Variants in SDHA observed in about 807,000 individuals in gnomAD.
SDHA encodes the protein succinate dehydrogenase [ubiquinone] flavoprotein subunit, mitochondrial.
In SDHA, 48 loss-of-function variants were observed where a neutral mutation model predicts 78.4. The observed-to-expected ratio is 0.61, with a 90% CI of 0.49 to 0.78. The LOEUF (loss-of-function observed/expected upper bound fraction) is 0.78. SDHA is among the 30% of genes least tolerant of loss of function. SDHA has a pLI of 0.00. For missense variants in SDHA, 680 were observed against 892.7 expected (o/e 0.76, Z 3.04); for synonymous variants, 326 against 353.9 (o/e 0.92, Z 0.88).
intron 11 of SDHA, among the ~76,000 whole-genome samples, chr5:242,124 T>C (rs560185709): frequency 1.3e-5 from 2 of 152,042 alleles, no homozygotes; most frequent in African/African-American, 2.4e-5. Context: ...ATGCGTTCCG[T>C]TGGGGAAGGG....
chr5:262,265 A>T, the SDHA span, among the ~76,000 whole-genome samples: 1 of 124,772 alleles, frequency 8.0e-6, no homozygotes, highest in Admixed American at 7.7e-5. Flanking sequence ...TCACAGCATT[A>T]CCGTGTGAGC....
chr5:244,676 A>C (rs1163286411), intron 11 of SDHA, among the ~76,000 whole-genome samples: 1 of 152,178 alleles, frequency 6.6e-6, no homozygotes, highest in Admixed American at 6.5e-5. Context: ...GGCCAATTCA[A>C]CCTGCTCAAT....
rs2288461 is a variant in SDHA at position 230,865 on chromosome 5, A to G, written c.771-11A>G. 1,428,152 of 1,613,942 alleles carry G rather than the reference A, an allele frequency of 0.88. 633,686 individuals carry two copies. The highest frequency in any genetic ancestry group is 0.97 in the African/African-American group (72,856 of 75,022). On this transcript the variant is annotated splice_polypyrimidine_tract_variant and intron_variant, in intron 6 of 14. Transcript: ENST00000264932. The stretch of plus-strand genomic sequence containing the variant: ...CCGCTGTGTGCAGTCACTGCTCTCT[A>G]TTGTTTCCAGAGGCTACGGGCGCAC...
At position 236,519 on chromosome 5, in the gene SDHA, G is replaced by A. The variant is rs370690436; in HGVS notation, c.1352G>A (p.Arg451His). The change falls in exon 10 of 15, where the codon CGC becomes CAC. Residue 451 changes from arginine to histidine, a missense_variant. Coordinates refer to ENST00000264932, the MANE Select transcript of SDHA (RefSeq NM_004168.4). ...AACASVHGANRLGANSLLDLV... is the reference protein window; with the variant it reads ...AACASVHGANHLGANSLLDLV... The stretch of plus-strand genomic sequence containing the variant: ...TGTGCCTCGGTACATGGTGCCAACC[G>A]CCTCGGGGCAAACTCGCTCTTGGAC... The A allele has an allele frequency of 5.0e-6, 8 of 1,613,928 alleles. No individual in the cohort carries two copies. Among genetic ancestry groups the A allele is most frequent in the South Asian group, 2.2e-5 (2 of 91,086 alleles).
chr5:268,220 G>A, the SDHA span, among the ~76,000 whole-genome samples: 1 of 149,050 alleles, frequency 6.7e-6, no homozygotes, highest in Non-Finnish European at 1.5e-5. Flanking sequence ...GTCTCACTCT[G>A]TTGCCCAGGC....
At position 234,987 on chromosome 5, in the gene SDHA, G is replaced by A. The variant is rs1735672875; in HGVS notation, c.1065-157G>A. The A allele has an allele frequency of 4.0e-6, 3 of 753,868 alleles. No homozygotes were observed. In the South Asian group the frequency reaches 4.7e-5, roughly 12 times the overall value. The allele number at this position is 753,868 out of a possible 1,614,324, so 46.7% of individuals were successfully genotyped here. Reference sequence around the variant, plus strand: ...GGATTGTCCCTGGCACACAGTAGCTGCTTAGAAAAGATTTGATGAGAGGGT... The same window carrying A: ...GGATTGTCCCTGGCACACAGTAGCTACTTAGAAAAGATTTGATGAGAGGGT... On this transcript the variant is annotated intron_variant, in intron 8 of 14. Coordinates refer to ENST00000264932, the MANE Select transcript of SDHA (RefSeq NM_004168.4).
intron 4 of SDHA, 46 bp from the exon 5 acceptor site, chr5:225,837 A>C (rs1355861354): frequency 1.9e-6 from 3 of 1,607,158 alleles, no homozygotes; most frequent in Non-Finnish European, 2.6e-6. Flanking sequence ...GAATATCTTG[A>C]CTCCTTTAAG....
chr5:233,688 G>A, intron 8 of SDHA, 43 bp downstream of exon 8: 4 of 1,606,528 alleles, frequency 2.5e-6, no homozygotes, highest in Non-Finnish European at 3.4e-6. Context: ...CGGGCACACG[G>A]GCCGGGGTTG....
intron 5 of SDHA, chr5:227,977 G>A (rs554205833): frequency 5.5e-5 from 31 of 566,568 alleles, no homozygotes; most frequent in African/African-American, 4.2e-4. Context: ...TTGCTGCTGC[G>A]TTCTCTAGCA....
Position 256,367 on chromosome 5 carries a change from A to C in SDHA, c.1942A>C (p.Thr648Pro), listed in dbSNP as rs758054627. 6.1e-5 allele frequency: 99 copies of C among 1,613,828 alleles called. No homozygotes were observed. Among genetic ancestry groups the C allele is most frequent in the Non-Finnish European group, 8.2e-5 (97 of 1,179,828 alleles). Residue 648 changes from threonine to proline, a missense_variant, in exon 15 of 15, where the codon ACT becomes CCT. Transcript: ENST00000264932. ...GGAATATAGACCCGTGATCGACAAA[A>C]CTTTGAACGAGGCTGACTGTGCCAC... ...TLEYRPVIDK[T>P]LNEADCATVP... is the part of the protein sequence containing the mutation.
intron 6 of SDHA, among the ~76,000 whole-genome samples, chr5:230,003 G>A (rs1316555290): frequency 6.7e-6 from 1 of 149,980 alleles, no homozygotes; most frequent in East Asian, 1.9e-4. Flanking sequence ...ACATTATACA[G>A]CATGGTGGCT....
At position 251,444 on chromosome 5, in the gene SDHA, C is replaced by T. The variant is rs142457602; in HGVS notation, c.1770C>T (p.Gly590=). ...YGAEARKESR[G]AHAREDYKVR... ...CAGAGGCACGGAAGGAGTCACGGGG[C>T]GCGCATGCCAGGGAAGACTACAAGG... The change falls in exon 13 of 15, where the codon GGC becomes GGT. Residue 590 remains glycine (G), a synonymous_variant. Transcript: ENST00000264932. 2.0e-5 allele frequency: 32 copies of T among 1,613,856 alleles called. No homozygotes were observed. The African/African-American group carries it at 3.6e-4, about 18-fold the overall frequency.
intron 9 of SDHA, 39 bp downstream of exon 9, chr5:235,378 G>T (rs1735713749): frequency 6.2e-7 from 1 of 1,604,718 alleles, no homozygotes; most frequent in Non-Finnish European, 8.5e-7. Flanking sequence ...TGGAAAGAAG[G>T]CTGGGACGAC....
chr5:239,607 A>G (rs1317098348), intron 10 of SDHA, among the ~76,000 whole-genome samples: 2 of 152,002 alleles, frequency 1.3e-5, no homozygotes, highest in Non-Finnish European at 2.9e-5. Flanking sequence ...AGAGCACATA[A>G]GAGTCCAAAT....
At chr5:267,628 A>G in the SDHA span, among the ~76,000 whole-genome samples, 2 of 152,238 alleles carry the variant, frequency 1.3e-5, no homozygotes, top group African/African-American at 4.8e-5. Context: ...TGAAAACAGA[A>G]AAGGCATTTT....
the SDHA span, among the ~76,000 whole-genome samples, chr5:262,193 AG>A: frequency 3.4e-5 from 4 of 118,842 alleles, no homozygotes; most frequent in African/African-American, 7.5e-5. Flanking sequence ...GCCTCCCGCC[AG>A]AGCATTACCG....
chr5:257,562 T>TACTGTGTGAGCTCC, downstream of SDHA, among the ~76,000 whole-genome samples: 1 of 127,382 alleles, frequency 7.9e-6, no homozygotes, highest in Middle Eastern at 5.0e-3. Flanking sequence ...GCCAGAGCAT[T>TACTGTGTGAGCTCC]ACTGTGTGAG....
At chr5:223,031 G>A (rs1734803963) in intron 1 of SDHA, among the ~76,000 whole-genome samples, 1 of 152,190 alleles carries the variant, frequency 6.6e-6, no homozygotes. Flanking sequence ...CTGACCACAA[G>A]CCCTCCTGGA....
chr5:239,425 G>A (rs1292153852), intron 10 of SDHA, among the ~76,000 whole-genome samples: 6 of 151,932 alleles, frequency 3.9e-5, no homozygotes, highest in Non-Finnish European at 2.9e-5. Context: ...AGGTATGGTG[G>A]CATATTCCTG....
Sources: gnomAD v4.1 joint callset for allele counts (sites outside exome capture counted in the v4.1 genomes callset) on GRCh38, gnomAD v4.1.1 for gene constraint, MANE v1.5 for transcripts, NCBI Gene and HGNC (gene_info 2026-07-23, HGNC 2026-07-21) for gene names.